The following GRM1 variants were observed in gnomAD, a reference collection of about 807,000 sequenced individuals.
GRM1 encodes the protein metabotropic glutamate receptor 1.
Under a neutral mutation model 90.9 loss-of-function variants are expected in GRM1, and 33 were observed. The ratio of observed to expected loss-of-function variants is 0.36; its 90% CI spans 0.28 to 0.49. GRM1 has a LOEUF of 0.49. GRM1 is among the 20% of genes least tolerant of loss of function. The probability of loss-of-function intolerance (pLI) is 0.99; values close to 1 mark genes in which losing one functional copy is unlikely to be tolerated. For missense variants in GRM1, 1,190 were observed against 1,534.3 expected (o/e 0.78, Z 3.75); for synonymous variants, 700 against 613.2 (o/e 1.14, Z -2.09).
chr6:146,124,082 CAT>C lies in GRM1; in HGVS notation c.701-35265_701-35264del, dbSNP rs148538587. 2.4e-3 allele frequency among the ~76,000 whole-genome samples: 362 copies of C among 152,274 alleles called. 2 individuals carry two copies. Among genetic ancestry groups the C allele is most frequent in the African/African-American group, 8.0e-3 (332 of 41,566 alleles). ...TTCAGAAATATTAAGTGTTTTGTCA[CAT>C]GTTTGTACACGTATTTCTATATCTT... On this transcript the variant is annotated intron_variant, in intron 1 of 7. Coordinates refer to ENST00000282753, the MANE Select transcript of GRM1 (RefSeq NM_001278064.2).
rs186771122 is a variant in GRM1, at chr6:146,188,241, C to T, written c.950+28644C>T. Among the ~76,000 whole-genome samples the T allele has an allele frequency of 7.9e-5, 12 of 152,134 alleles. No individual in the cohort carries two copies. In the East Asian group the frequency reaches 9.7e-4, roughly 12 times the overall value. ...CTTTCAAATCCATCCTTTATCCTAC[C>T]GTTAAATCATTCTGTCTACACATCT... On this transcript the variant is annotated intron_variant, in intron 2 of 7. Coordinates refer to ENST00000282753, the MANE Select transcript of GRM1 (RefSeq NM_001278064.2).
chr6:146,073,417 G>A lies in GRM1; in HGVS notation c.700+43200G>A, dbSNP rs922923183. On this transcript the variant is annotated intron_variant, in intron 1 of 7. Transcript: ENST00000282753. ...AGTAAAATGTGGATCTGAGATAAGA[G>A]TCAAAAGACTCTACCACTTGTTTGC... Among the ~76,000 whole-genome samples, 7 of 152,260 alleles carry A rather than the reference G, an allele frequency of 4.6e-5. No individual in the cohort carries two copies. In the South Asian group the frequency reaches 1.0e-3, roughly 23 times the overall value.
intron 2 of GRM1, among the ~76,000 whole-genome samples, chr6:146,248,246 A>C (rs1439443028): frequency 6.6e-6 from 1 of 152,180 alleles, no homozygotes; most frequent in Non-Finnish European, 1.5e-5. Flanking sequence ...GGTGAATGAG[A>C]AGAGTTACAA....
intron 5 of GRM1, among the ~76,000 whole-genome samples, chr6:146,366,230 C>T (rs1301704434): frequency 6.6e-6 from 1 of 151,994 alleles, no homozygotes; most frequent in African/African-American, 2.4e-5. Context: ...AATAATCGTA[C>T]ATATTTATGG....
At chr6:146,196,564 C>T (rs560700035) in intron 2 of GRM1, among the ~76,000 whole-genome samples, 2 of 151,222 alleles carry the variant, frequency 1.3e-5, no homozygotes, top group African/African-American at 4.9e-5. Flanking sequence ...CTTGGCCTCC[C>T]AAAGTGCTGG....
intron 2 of GRM1, among the ~76,000 whole-genome samples, chr6:146,288,209 C>G (rs1053211491): frequency 6.6e-6 from 1 of 152,018 alleles, no homozygotes; most frequent in Non-Finnish European, 1.5e-5. Flanking sequence ...TGTGAGGAGC[C>G]TGGTGGAGAA....
At chr6:146,209,749 T>A (rs773633659) in intron 2 of GRM1, among the ~76,000 whole-genome samples, 1 of 152,184 alleles carries the variant, frequency 6.6e-6, no homozygotes, top group African/African-American at 2.4e-5. Context: ...CAAATTGGTA[T>A]CATTATTTTG....
chr6:146,229,886 G>C (rs1416435308), intron 2 of GRM1, among the ~76,000 whole-genome samples: 2 of 152,106 alleles, frequency 1.3e-5, no homozygotes. Context: ...TTATTTCTAA[G>C]ATCACATAAA....
chr6:146,278,122 T>C (rs1180441081), intron 2 of GRM1, among the ~76,000 whole-genome samples: 3 of 152,168 alleles, frequency 2.0e-5, no homozygotes, highest in Non-Finnish European at 4.4e-5. Flanking sequence ...AATATCCATT[T>C]GATAAAGAAC....
chr6:146,413,589 T>A (rs1777650076), intron 7 of GRM1, among the ~76,000 whole-genome samples: 1 of 152,172 alleles, frequency 6.6e-6, no homozygotes, highest in African/African-American at 2.4e-5. Flanking sequence ...TATAATTATA[T>A]ACAATAATAT....
rs74654567 is a variant in GRM1 at position 146,402,584 on chromosome 6, A to T, written c.2660+2885A>T. Among the ~76,000 whole-genome samples the T allele has an allele frequency of 2.4e-3, 365 of 152,226 alleles. 2 individuals are homozygous for T. The highest frequency in any genetic ancestry group is 8.2e-3 in the African/African-American group (342 of 41,556). On this transcript the variant is annotated intron_variant, in intron 7 of 7. Transcript: ENST00000282753. ...CCCAATGAGTTTATTGCTATTCTAG[A>T]TGTGTAATTCCTACATTTATGGTAC...
chr6:146,202,443 G>A (rs192643228), intron 2 of GRM1, among the ~76,000 whole-genome samples: 247 of 152,292 alleles, frequency 1.6e-3, no homozygotes, highest in Non-Finnish European at 3.0e-3. Context: ...GATCACATGA[G>A]AGAAGAGAAG....
intron 1 of GRM1, among the ~76,000 whole-genome samples, chr6:146,031,935 T>C (rs1177209924): frequency 6.6e-6 from 1 of 152,192 alleles, no homozygotes; most frequent in Non-Finnish European, 1.5e-5. Flanking sequence ...ATTATTAATA[T>C]TGGAAGTATA....
At chr6:146,406,011 A>C (rs928261631) in intron 7 of GRM1, among the ~76,000 whole-genome samples, 2 of 152,210 alleles carry the variant, frequency 1.3e-5, no homozygotes, top group African/African-American at 4.8e-5. Flanking sequence ...GTTTGGCATT[A>C]AAAGAAGTAG....
chr6:146,241,592 C>G (rs1780867193), intron 2 of GRM1, among the ~76,000 whole-genome samples: 1 of 152,128 alleles, frequency 6.6e-6, no homozygotes, highest in African/African-American at 2.4e-5. Context: ...TGGCAATTCC[C>G]TCCCTTAGGT....
At chr6:146,075,765 C>A (rs1054085760) in intron 1 of GRM1, among the ~76,000 whole-genome samples, 1 of 152,180 alleles carries the variant, frequency 6.6e-6, no homozygotes, top group African/African-American at 2.4e-5. Flanking sequence ...TCTGGTGGCT[C>A]CTGGCACTCA....
intron 2 of GRM1, among the ~76,000 whole-genome samples, chr6:146,173,165 G>T (rs1778201074): frequency 6.6e-6 from 1 of 152,012 alleles, no homozygotes; most frequent in East Asian, 1.9e-4. Context: ...CAAGTGGGTG[G>T]ATCACCTGAG....
intron 1 of GRM1, among the ~76,000 whole-genome samples, chr6:146,158,832 T>C (rs1474700506): frequency 6.6e-6 from 1 of 152,184 alleles, no homozygotes; most frequent in Admixed American, 6.5e-5. Flanking sequence ...CCTATAGCTG[T>C]TTCTGGTCTG....
chr6:146,156,973 T>C (rs779405425), intron 1 of GRM1, among the ~76,000 whole-genome samples: 2 of 152,230 alleles, frequency 1.3e-5, no homozygotes, highest in African/African-American at 2.4e-5. Context: ...TTAAAGTGTC[T>C]ATAAATGGAT....
Sources: gnomAD v4.1 joint callset for allele counts (sites outside exome capture counted in the v4.1 genomes callset) on GRCh38, gnomAD v4.1.1 for gene constraint, MANE v1.5 for transcripts, NCBI Gene and HGNC (gene_info 2026-07-23, HGNC 2026-07-21) for gene names.